Variants in CLCA4 observed in about 807,000 individuals in gnomAD.
CLCA4 encodes calcium-activated chloride channel regulator 4.
In CLCA4, 69 loss-of-function variants were observed where a neutral mutation model predicts 78.9. The observed-to-expected ratio is 0.87, with a 90% confidence interval of 0.72 to 1.07. The LOEUF (loss-of-function observed/expected upper bound fraction) is 1.07. Ranked by LOEUF, CLCA4 falls within the 50% of genes least tolerant of loss-of-function variation. The probability of loss-of-function intolerance (pLI) is 0.00; values close to 1 mark genes in which losing one functional copy is unlikely to be tolerated. For synonymous variants in CLCA4, 362 were observed against 375.8 expected (o/e 0.96, Z 0.42); for missense variants, 1,133 against 1,095.8 (o/e 1.03, Z -0.48).
chr1:86,560,042 C>G lies in CLCA4; in HGVS notation c.270C>G (p.Tyr90Ter), dbSNP rs1649968706. 2 of 1,600,010 alleles carry G rather than the reference C, an allele frequency of 1.2e-6. No individual in the cohort carries two copies. Among genetic ancestry groups the G allele is most frequent in the African/African-American group, 2.7e-5 (2 of 73,864 alleles). Residue 90 changes from tyrosine (Y) to a stop codon, truncating the protein, a stop_gained, in exon 2 of 14, where the codon TAC (tyrosine) becomes TAG (stop). Transcript: ENST00000370563. LOFTEE classifies it high-confidence loss of function. ...AGAATTGGAAGGAAAATCCTCAGTACAAAAGGCCAAAACATGAAAACCATA... is the reference window on the plus strand; with the variant it reads ...AGAATTGGAAGGAAAATCCTCAGTAGAAAAGGCCAAAACATGAAAACCATA... ...IPENWKENPQYKRPKHENHKH... is the reference protein window; with the variant it reads ...IPENWKENPQ
chr1:86,573,294 C>T (rs917038519), intron 9 of CLCA4, among the ~76,000 whole-genome samples: 1 of 151,860 alleles, frequency 6.6e-6, no homozygotes, highest in African/African-American at 2.4e-5. Flanking sequence ...CACTTTTGCT[C>T]ATCTGGGTCT....
At chr1:86,571,918 T>C (rs1650361069) in intron 8 of CLCA4, among the ~76,000 whole-genome samples, 1 of 152,044 alleles carries the variant, frequency 6.6e-6, no homozygotes, top group South Asian at 2.1e-4. Flanking sequence ...GAGTATAAAT[T>C]ATGTTGAATT....
chr1:86,572,712 T>A lies in CLCA4; in HGVS notation c.1459T>A (p.Ser487Thr). Reference sequence around the variant, plus strand: ...AGGAAATACTGATCTCTCCCAGAAGTCCCTTCAGGTCAGAGTTCTCATTCC... The same window carrying A: ...AGGAAATACTGATCTCTCCCAGAAGACCCTTCAGGTCAGAGTTCTCATTCC... ...TSGNTDLSQKSLQLESKGLTL... is the reference protein window; with the variant it reads ...TSGNTDLSQKTLQLESKGLTL... Residue 487 changes from serine (S) to threonine (T), a missense_variant, in exon 9 of 14, where the codon TCC becomes ACC. By Grantham distance (58) the Ser-to-Thr change is moderately conservative (BLOSUM62 1). Coordinates refer to ENST00000370563, the MANE Select transcript of CLCA4 (RefSeq NM_012128.4). 6.4e-7 allele frequency: 1 copy of A among 1,566,086 alleles called. No homozygotes were observed. The highest frequency in any genetic ancestry group is 8.8e-7 in the Non-Finnish European group (1 of 1,136,436).
At position 86,567,641 on chromosome 1, in the gene CLCA4, A is replaced by T; in HGVS notation, c.1172A>T (p.Tyr391Phe). 1 of 1,608,924 alleles carries T rather than the reference A, an allele frequency of 6.2e-7. No homozygotes were observed. Among genetic ancestry groups the T allele is most frequent in the South Asian group, 1.1e-5 (1 of 90,072 alleles). Residue 391 changes from tyrosine (Y) to phenylalanine (F), a missense_variant, in exon 7 of 14, where the codon TAT becomes TTT. Transcript: ENST00000370563. ...GGTSICSGIKYAFQVIGELHS... is the reference protein window; with the variant it reads ...GGTSICSGIKFAFQVIGELHS... ...ACTTCCATCTGCTCTGGAATTAAATATGCATTTCAGGTGAAAATCGTACTG... is the reference window on the plus strand; with the variant it reads ...ACTTCCATCTGCTCTGGAATTAAATTTGCATTTCAGGTGAAAATCGTACTG...
chr1:86,569,521 A>G (rs902466785), intron 7 of CLCA4, among the ~76,000 whole-genome samples: 22 of 151,934 alleles, frequency 1.4e-4, no homozygotes, highest in African/African-American at 2.9e-4. Flanking sequence ...TAATCAATTT[A>G]TGTTCCAGGA....
chr1:86,569,153 G>A (rs1220602017), intron 7 of CLCA4, among the ~76,000 whole-genome samples: 1 of 152,032 alleles, frequency 6.6e-6, no homozygotes, highest in Non-Finnish European at 1.5e-5. Flanking sequence ...TGCAGATTAT[G>A]TAGATAGTGT....
chr1:86,578,049 A>T lies in CLCA4; in HGVS notation c.2099A>T (p.Tyr700Phe). The change falls in exon 12 of 14, where the codon TAC becomes TTC. Residue 700 changes from tyrosine to phenylalanine, a missense_variant. Transcript: ENST00000370563. ...KLRPPLNRAA[Y>F]IPGWVVNGEI... is the part of the protein sequence containing the mutation. ...CGGCCTCCACTGAATAGAGCCGCGT[A>T]CATACCAGGCTGGGTAGTGAACGGT... 3.1e-6 allele frequency: 5 copies of T among 1,612,284 alleles called. No homozygotes were observed. The highest frequency in any genetic ancestry group is 3.4e-6 in the Non-Finnish European group (4 of 1,179,146).
At chr1:86,572,956 G>A in intron 9 of CLCA4, 2 of 478,890 alleles carry the variant, frequency 4.2e-6, no homozygotes, top group South Asian at 2.3e-5. Flanking sequence ...CCATGGGTTT[G>A]GTTAAGAAAT....
chr1:86,565,819 C>G lies in CLCA4; in HGVS notation c.753C>G (p.Asn251Lys). 1 of 1,516,920 alleles carries G rather than the reference C, an allele frequency of 6.6e-7. No individual in the cohort carries two copies. The highest frequency in any genetic ancestry group is 8.8e-7 in the Non-Finnish European group (1 of 1,132,160). The allele number at this position is 1,516,920 out of a possible 1,614,324, so 94.0% of individuals were successfully genotyped here. The change falls in exon 6 of 14, where the codon AAC (asparagine) becomes AAG (lysine). Residue 251 changes from asparagine to lysine, a missense_variant. By Grantham distance (94) the Asn-to-Lys change is moderately conservative. Transcript: ENST00000370563. ...QSIDSVVEFC[N>K]EKTHNQEAPS... ...CCTTTTAGGTTGTTGAATTTTGTAA[C>G]GAAAAAACCCATAATCAAGAAGCTC...
intron 7 of CLCA4, 50 bp from the exon 8 acceptor site, chr1:86,571,027 T>C: frequency 7.3e-7 from 1 of 1,375,038 alleles, no homozygotes; most frequent in Non-Finnish European, 9.9e-7. Context: ...CATTTGTCTA[T>C]TTGATCTAGG....
rs1342401573 is a variant in CLCA4, at chr1:86,575,375, A to G, written c.1727A>G (p.Glu576Gly). 1 of 1,613,254 alleles carries G rather than the reference A, an allele frequency of 6.2e-7. No individual in the cohort carries two copies. The highest frequency in any genetic ancestry group is 8.5e-7 in the Non-Finnish European group (1 of 1,179,536). ...AYNLQAKANP[E>G]TLTITVTSRA... ...AATCTTCAAGCCAAAGCGAACCCAG[A>G]AACATTAACTATTACAGTAACTTCT... The change falls in exon 11 of 14, where the codon GAA (glutamate) becomes GGA (glycine). Residue 576 changes from glutamate (E) to glycine (G), a missense_variant. Glu to Gly is a moderately conservative substitution (Grantham distance 98, BLOSUM62 -2). Transcript: ENST00000370563.
At chr1:86,564,127 G>A (rs1650104798) in intron 4 of CLCA4, among the ~76,000 whole-genome samples, 1 of 152,096 alleles carries the variant, frequency 6.6e-6, no homozygotes, top group African/African-American at 2.4e-5. Flanking sequence ...AATGTGGACT[G>A]AGTAAGAAAT....
chr1:86,580,037 A>G lies in CLCA4; in HGVS notation c.2452A>G (p.Lys818Glu). 6.2e-7 allele frequency: 1 copy of G among 1,612,876 alleles called. No homozygotes were observed. Among genetic ancestry groups the G allele is most frequent in the Non-Finnish European group, 8.5e-7 (1 of 1,179,312 alleles). ...LQVNTTDLSP[K>E]EANSKESFAF... The stretch of plus-strand genomic sequence containing the variant: ...AGTAAATACTACTGATCTGTCACCA[A>G]AGGAGGCCAACTCCAAGGAAAGCTT... Residue 818 changes from lysine (K) to glutamate (E), a missense_variant, in exon 14 of 14, where the codon AAG (lysine) becomes GAG (glutamate). Coordinates refer to ENST00000370563, the MANE Select transcript of CLCA4 (RefSeq NM_012128.4).
chr1:86,565,595 ACTAGTGCTAT>A (rs1189263238), intron 5 of CLCA4, 144 bp downstream of exon 5: 1 of 705,230 alleles, frequency 1.4e-6, no homozygotes, highest in Non-Finnish European at 2.3e-6. Context: ...TATTTGCTGA[ACTAGTGCTAT>A]CTAGTGTTAT....
chr1:86,554,669 T>C (rs542761713), intron 1 of CLCA4, among the ~76,000 whole-genome samples: 1 of 152,340 alleles, frequency 6.6e-6, no homozygotes, highest in South Asian at 2.1e-4. Flanking sequence ...AGTGCATGTG[T>C]GTCTTTCTGG....
chr1:86,579,279 G>A, intron 12 of CLCA4, 75 bp from the exon 13 acceptor site: 2 of 1,101,736 alleles, frequency 1.8e-6, no homozygotes, highest in South Asian at 2.6e-5. Context: ...AAAGACAAGT[G>A]AAGAAGGTGA....
In CLCA4 at chr1:86,579,993, G is replaced by A; in HGVS notation, c.2408G>A (p.Ser803Asn). The A allele has an allele frequency of 6.2e-7, 1 of 1,607,444 alleles. No homozygotes were observed. Among genetic ancestry groups the A allele is most frequent in the East Asian group, 2.2e-5 (1 of 44,754 alleles). The change falls in exon 14 of 14, where the codon AGT (serine) becomes AAT (asparagine). Residue 803 changes from serine to asparagine, a missense_variant. By Grantham distance (46) the Ser-to-Asn change is conservative. Transcript: ENST00000370563. ...ISASILDLRD[S>N]FDDALQVNTT... ...GCAAGTATTCTTGATCTAAGAGACA[G>A]TTTTGATGATGCTCTTCAAGTAAAT...
chr1:86,569,693 C>T (rs1025850704), intron 7 of CLCA4, among the ~76,000 whole-genome samples: 10 of 151,898 alleles, frequency 6.6e-5, no homozygotes, highest in Non-Finnish European at 1.0e-4. Flanking sequence ...TGTTATTTCT[C>T]TTGAACTATA....
Position 86,563,575 on chromosome 1 carries a change from T to C in CLCA4, c.449-86T>C. 4.9e-6 allele frequency: 3 copies of C among 614,526 alleles called. No homozygotes were observed. In the South Asian group the frequency reaches 9.7e-5, roughly 20 times the overall value. The allele number at this position is 614,526 out of a possible 1,614,324, so 38.1% of individuals were successfully genotyped here. On this transcript the variant is annotated intron_variant, in intron 3 of 13. Transcript: ENST00000370563. The stretch of plus-strand genomic sequence containing the variant: ...TTGAAAACCGAAATCTAAATATATT[T>C]TATAATTGAAAGAGAAGCTTCTTAA...
Sources: gnomAD v4.1 joint callset for allele counts (sites outside exome capture counted in the v4.1 genomes callset) on GRCh38, gnomAD v4.1.1 for gene constraint, MANE v1.5 for transcripts, NCBI Gene and HGNC (gene_info 2026-07-23, HGNC 2026-07-21) for gene names.